The following MALRD1 variants were observed in gnomAD, a reference collection of about 807,000 sequenced individuals.
MALRD1 encodes MAM and LDL-receptor class A domain-containing protein 1.
Under a neutral mutation model 242.1 loss-of-function variants are expected in MALRD1, and 247 were observed. The ratio of observed to expected loss-of-function variants is 1.02; its 90% CI spans 0.92 to 1.13. MALRD1 has a LOEUF of 1.13. Ranked by LOEUF, MALRD1 falls within the 50% of genes most tolerant of loss-of-function variation. The probability of loss-of-function intolerance (pLI) is 0.00; values close to 1 mark genes in which losing one functional copy is unlikely to be tolerated. For missense variants in MALRD1, 2,989 were observed against 2,533.1 expected, an observed-to-expected ratio of 1.18 and a Z score of -3.86; for synonymous variants, 995 against 866.6, an observed-to-expected ratio of 1.15 and a Z score of -2.60.
chr10:19,679,863 A>G (rs1024703940), intron 36 of MALRD1, among the ~76,000 whole-genome samples: 1 of 152,104 alleles, frequency 6.6e-6, no homozygotes, highest in Non-Finnish European at 1.5e-5. Flanking sequence ...CTTTGTTCTC[A>G]TTGGTTTCAA....
chr10:19,227,740 C>A (rs1193463274), intron 18 of MALRD1, among the ~76,000 whole-genome samples: 1 of 151,886 alleles, frequency 6.6e-6, no homozygotes. Flanking sequence ...GTACACATAA[C>A]TAAAAAACTA....
Position 19,607,763 on chromosome 10 carries a change from T to C in MALRD1, c.5945-14T>C. On this transcript the variant is annotated splice_polypyrimidine_tract_variant and intron_variant, in intron 34 of 39. Coordinates refer to ENST00000454679, the MANE Select transcript of MALRD1 (RefSeq NM_001142308.3). ...ATGCTGGCATCCCTGATCATTATTC[T>C]TTTTTTTTTGCAGCCAACAAAAGCT... 1 of 1,165,462 alleles carries C rather than the reference T, an allele frequency of 8.6e-7. No homozygotes were observed. Among genetic ancestry groups the C allele is most frequent in the Non-Finnish European group, 1.1e-6 (1 of 881,594 alleles). 72.2% of individuals were successfully genotyped at this position (1,165,462 alleles called of 1,614,324 possible).
intron 36 of MALRD1, among the ~76,000 whole-genome samples, chr10:19,675,607 T>C (rs763995905): frequency 2.0e-5 from 3 of 152,222 alleles, no homozygotes; most frequent in Non-Finnish European, 4.4e-5. Flanking sequence ...ATGATTCTGA[T>C]GCATGCTAAA....
chr10:19,069,972 G>C (rs1474187531), intron 2 of MALRD1, among the ~76,000 whole-genome samples: 2 of 151,842 alleles, frequency 1.3e-5, no homozygotes, highest in Admixed American at 1.3e-4. Context: ...TTTCCCTTTT[G>C]TATTTCAATC....
intron 36 of MALRD1, among the ~76,000 whole-genome samples, chr10:19,687,792 T>A (rs1429013295): frequency 6.6e-6 from 1 of 152,288 alleles, no homozygotes; most frequent in East Asian, 1.9e-4. Context: ...ACCAATCTAA[T>A]AAATAGATGA....
intron 26 of MALRD1, 28 bp downstream of exon 26, chr10:19,352,325 G>A (rs1200775844): frequency 6.9e-7 from 1 of 1,442,446 alleles, no homozygotes; most frequent in Non-Finnish European, 9.3e-7. Context: ...TGTGTGTGTG[G>A]TATTTTTGCA....
intron 9 of MALRD1, among the ~76,000 whole-genome samples, chr10:19,136,088 T>C (rs1461812318): frequency 6.6e-6 from 1 of 152,206 alleles, no homozygotes; most frequent in Non-Finnish European, 1.5e-5. Context: ...TTGCCTGATA[T>C]TTTTCTTCAT....
At chr10:19,455,551 C>A (rs944025893) in intron 29 of MALRD1, among the ~76,000 whole-genome samples, 1 of 152,098 alleles carries the variant, frequency 6.6e-6, no homozygotes, top group Non-Finnish European at 1.5e-5. Context: ...ATAATGCTTC[C>A]ATCTCATAAA....
intron 21 of MALRD1, among the ~76,000 whole-genome samples, chr10:19,284,372 G>C (rs1349056873): frequency 1.3e-5 from 2 of 149,010 alleles, no homozygotes; most frequent in Admixed American, 1.3e-4. Context: ...TCTAGCATTA[G>C]GTATATCTCC....
chr10:19,348,278 T>A (rs1452149085), intron 25 of MALRD1, among the ~76,000 whole-genome samples: 1 of 147,110 alleles, frequency 6.8e-6, no homozygotes, highest in Non-Finnish European at 1.5e-5. Flanking sequence ...ATTCCATGGT[T>A]GTTATTCACA....
intron 35 of MALRD1, among the ~76,000 whole-genome samples, chr10:19,611,653 T>C (rs189500801): frequency 5.9e-5 from 9 of 152,140 alleles, no homozygotes; most frequent in African/African-American, 1.2e-4. Flanking sequence ...TTATATCTAC[T>C]TATCTCCTGG....
chr10:19,630,320 T>A (rs1016547896), intron 36 of MALRD1, among the ~76,000 whole-genome samples: 1 of 152,188 alleles, frequency 6.6e-6, no homozygotes, highest in Non-Finnish European at 1.5e-5. Context: ...AAATTTATTG[T>A]TTGGGCATCC....
At chr10:19,132,366 G>T (rs1833144447) in intron 8 of MALRD1, among the ~76,000 whole-genome samples, 1 of 152,176 alleles carries the variant, frequency 6.6e-6, no homozygotes, top group Admixed American at 6.6e-5. Context: ...AAAGCTATCA[G>T]CCGAAAATAT....
intron 18 of MALRD1, among the ~76,000 whole-genome samples, chr10:19,217,821 A>G (rs1000084133): frequency 1.3e-5 from 2 of 151,928 alleles, no homozygotes; most frequent in Non-Finnish European, 2.9e-5. Context: ...ACCGCTCCCA[A>G]TCAATCATGC....
intron 30 of MALRD1, among the ~76,000 whole-genome samples, chr10:19,492,177 A>G (rs1837522078): frequency 6.6e-6 from 1 of 152,212 alleles, no homozygotes; most frequent in Non-Finnish European, 1.5e-5. Context: ...AAAAACATAT[A>G]TAAAACTAAG....
intron 29 of MALRD1, among the ~76,000 whole-genome samples, chr10:19,485,604 C>CT (rs1301654301): frequency 6.6e-6 from 1 of 150,476 alleles, no homozygotes; most frequent in Non-Finnish European, 1.5e-5. Context: ...GATCGCGCCA[C>CT]TGCACTCCAG....
intron 21 of MALRD1, among the ~76,000 whole-genome samples, chr10:19,287,348 G>C (rs1294618898): frequency 1.3e-5 from 2 of 151,458 alleles, no homozygotes; most frequent in South Asian, 4.3e-4. Flanking sequence ...ATCCTATTAA[G>C]AGGAATAAAA....
rs1262483149 is a variant in MALRD1, at chr10:19,389,535, A to C, written c.4771A>C (p.Ser1591Arg). 3 of 1,550,730 alleles carry C rather than the reference A, an allele frequency of 1.9e-6. No homozygotes were observed. In the Admixed American group the frequency reaches 5.9e-5, roughly 30 times the overall value. Reference sequence around the variant, plus strand: ...CAGGAGTACCATGTGGCGAGAATCCAGTGCAGCCTGCACCATGAGCTTCTG... The same window carrying C: ...CAGGAGTACCATGTGGCGAGAATCCCGTGCAGCCTGCACCATGAGCTTCTG... Reference protein sequence around the residue: ...HFRSTMWRESSAACTMSFWYF... With the variant: ...HFRSTMWRESRAACTMSFWYF... Residue 1591 changes from serine (S) to arginine (R), a missense_variant, in exon 28 of 40, where the codon AGT becomes CGT. Physicochemically the swap from Ser to Arg is moderately radical, Grantham distance 110. Transcript: ENST00000454679.
intron 24 of MALRD1, among the ~76,000 whole-genome samples, chr10:19,342,969 T>C (rs944838358): frequency 7.2e-5 from 11 of 152,120 alleles, no homozygotes; most frequent in Non-Finnish European, 1.2e-4. Flanking sequence ...ATCCATATTT[T>C]CCAAATGTTT....
Sources: allele counts gnomAD v4.1 joint callset (sites outside exome capture counted in the v4.1 genomes callset), GRCh38; gene constraint gnomAD v4.1.1; transcripts MANE v1.5; gene names NCBI Gene and HGNC (gene_info 2026-07-23, HGNC 2026-07-21).